TENM2: variants seen among roughly 807,000 people sequenced by gnomAD.
The protein encoded by TENM2 is teneurin transmembrane protein 2, also known as teneurin-2.
TENM2 carries 52 observed loss-of-function variants against 245.2 expected under a neutral mutation model. The ratio of observed to expected loss-of-function variants is 0.21; its 90% confidence interval spans 0.17 to 0.27. The LOEUF (loss-of-function observed/expected upper bound fraction) is 0.27, where lower values mean the gene tolerates loss of function less well. TENM2 is among the 10% of genes least tolerant of loss of function. The pLI is 1.00. For missense variants in TENM2, 3,046 were observed against 3,666.8 expected, an observed-to-expected ratio of 0.83 and a Z score of 4.37; for synonymous variants, 1,363 against 1,438.9, an observed-to-expected ratio of 0.95 and a Z score of 1.19.
intron 7 of TENM2, among the ~76,000 whole-genome samples, chr5:168,074,399 T>C (rs1791280097): frequency 6.6e-6 from 1 of 152,172 alleles, no homozygotes; most frequent in African/African-American, 2.4e-5. Context: ...CAAGATGCTT[T>C]CCTATTATGA....
chr5:167,380,691 C>G (rs1281007466), intron 2 of TENM2, among the ~76,000 whole-genome samples: 2 of 152,110 alleles, frequency 1.3e-5, no homozygotes, highest in Non-Finnish European at 2.9e-5. Flanking sequence ...TGTGTAATCT[C>G]CAGGCCTTCA....
intron 1 of TENM2, among the ~76,000 whole-genome samples, chr5:167,289,885 G>A (rs879832646): frequency 3.9e-5 from 6 of 152,106 alleles, no homozygotes; most frequent in Non-Finnish European, 7.3e-5. Context: ...ATAATTAAAA[G>A]GTTCTAGTTT....
intron 5 of TENM2, among the ~76,000 whole-genome samples, chr5:168,010,185 C>G (rs536384217): frequency 1.3e-5 from 2 of 152,298 alleles, no homozygotes; most frequent in East Asian, 1.9e-4. Flanking sequence ...ATGTAATTGA[C>G]TTATCAGCCA....
chr5:168,067,061 C>T (rs971966635), intron 7 of TENM2, among the ~76,000 whole-genome samples: 6 of 152,108 alleles, frequency 3.9e-5, no homozygotes, highest in African/African-American at 1.4e-4. Flanking sequence ...CATGATTAAC[C>T]GGAGACAACA....
chr5:167,202,894 C>T, the TENM2 span, among the ~76,000 whole-genome samples: 1 of 152,152 alleles, frequency 6.6e-6, no homozygotes, highest in Non-Finnish European at 1.5e-5. Context: ...ACACATGAAT[C>T]CTCCTCTCAG....
At chr5:168,163,896 G>C (rs1361517895) in intron 13 of TENM2, among the ~76,000 whole-genome samples, 1 of 152,150 alleles carries the variant, frequency 6.6e-6, no homozygotes, top group Non-Finnish European at 1.5e-5. Context: ...AGCCTAGATG[G>C]GTCCTGGTGC....
chr5:168,158,272 G>A lies in TENM2; in HGVS notation c.2423-4339G>A, dbSNP rs148030265. 9.6e-3 allele frequency among the ~76,000 whole-genome samples: 1,462 copies of A among 152,074 alleles called. 29 individuals carry two copies. Among genetic ancestry groups the A allele is most frequent in the African/African-American group, 0.033 (1,351 of 41,478 alleles). On this transcript the variant is annotated intron_variant, in intron 12 of 28. Coordinates refer to ENST00000518659, the Ensembl canonical transcript of TENM2. Reference sequence around the variant, plus strand: ...GAACTAGCCCATTAATATCACTGGCGTCCTTAAAAATTCTCCCTGGGAAGA... The same window carrying A: ...GAACTAGCCCATTAATATCACTGGCATCCTTAAAAATTCTCCCTGGGAAGA...
chr5:167,869,942 C>A (rs1354297338), intron 2 of TENM2, among the ~76,000 whole-genome samples: 1 of 151,632 alleles, frequency 6.6e-6, no homozygotes, highest in Non-Finnish European at 1.5e-5. Flanking sequence ...ACTTTTTGAC[C>A]CCTTCAAAAA....
At chr5:167,905,135 A>G (rs1362007493) in intron 3 of TENM2, among the ~76,000 whole-genome samples, 1 of 152,192 alleles carries the variant, frequency 6.6e-6, no homozygotes, top group Non-Finnish European at 1.5e-5. Context: ...ATGTGGAAAA[A>G]TCAGAGGTAA....
At chr5:167,536,667 G>C (rs1262726645) in intron 2 of TENM2, among the ~76,000 whole-genome samples, 1 of 152,154 alleles carries the variant, frequency 6.6e-6, no homozygotes, top group East Asian at 1.9e-4. Flanking sequence ...CTCATTACTT[G>C]CTTGCCCTAA....
chr5:166,993,294 G>C, the TENM2 span, among the ~76,000 whole-genome samples: 12 of 152,234 alleles, frequency 7.9e-5, no homozygotes, highest in South Asian at 2.1e-4. Context: ...AAGAGCTCCA[G>C]TGTCCTGTGT....
intron 12 of TENM2, among the ~76,000 whole-genome samples, chr5:168,148,351 A>C (rs1023594040): frequency 2.0e-5 from 3 of 152,198 alleles, no homozygotes; most frequent in Non-Finnish European, 4.4e-5. Context: ...CATAGGCCAG[A>C]TTGTTGGAAT....
At chr5:167,740,818 A>G (rs1035215565) in intron 2 of TENM2, among the ~76,000 whole-genome samples, 5 of 152,080 alleles carry the variant, frequency 3.3e-5, no homozygotes, top group African/African-American at 1.2e-4. Flanking sequence ...CTCATTTTCA[A>G]ATTCCCTCTT....
At chr5:168,186,478 A>T (rs1760441535) in intron 13 of TENM2, 1 of 152,162 alleles carries the variant, frequency 6.6e-6, no homozygotes, top group African/African-American at 2.4e-5. Context: ...AAACACCTAG[A>T]TAATTCTTTT....
chr5:167,736,915 GT>G (rs1760842341), intron 2 of TENM2, among the ~76,000 whole-genome samples: 2 of 152,174 alleles, frequency 1.3e-5, no homozygotes, highest in South Asian at 4.1e-4. Context: ...TCCCTAGCCA[GT>G]GAACTAGCCT....
chr5:167,585,040 C>A (rs963050446), intron 2 of TENM2, among the ~76,000 whole-genome samples: 1 of 152,138 alleles, frequency 6.6e-6, no homozygotes, highest in African/African-American at 2.4e-5. Context: ...TAAATACTCA[C>A]AATGTATGGA....
intron 2 of TENM2, among the ~76,000 whole-genome samples, chr5:167,854,699 T>G (rs13181047): frequency 0.43 from 64,903 of 152,090 alleles, 16,548 homozygotes; most frequent in Non-Finnish European, 0.57. Flanking sequence ...TTATGCTATG[T>G]GTTAAAGCAA....
intron 3 of TENM2, among the ~76,000 whole-genome samples, chr5:167,946,978 G>A (rs1046755778): frequency 5.3e-5 from 8 of 152,014 alleles, no homozygotes; most frequent in Admixed American, 1.3e-4. Context: ...TCTGAATCCC[G>A]TTTTATTTTT....
chr5:167,236,009 C>T, the TENM2 span, among the ~76,000 whole-genome samples: 3 of 152,142 alleles, frequency 2.0e-5, no homozygotes, highest in African/African-American at 4.8e-5. Context: ...ACTCTACCAA[C>T]CTTCCTTCCT....
Sources: allele counts gnomAD v4.1 joint callset (sites outside exome capture counted in the v4.1 genomes callset), GRCh38; gene constraint gnomAD v4.1.1; transcripts MANE v1.5; gene names NCBI Gene and HGNC (gene_info 2026-07-23, HGNC 2026-07-21).